Variants in OTOA observed in about 807,000 individuals in gnomAD.
The protein encoded by OTOA is otoancorin.
In OTOA, 70 loss-of-function variants were observed where a neutral mutation model predicts 110.8. The observed-to-expected ratio is 0.63, with a 90% confidence interval of 0.52 to 0.77. The LOEUF (loss-of-function observed/expected upper bound fraction) is 0.77, where lower values mean the gene tolerates loss of function less well. Among genes scored for constraint, OTOA ranks in the 30% least tolerant of loss-of-function variants. The pLI is 0.00. For synonymous variants in OTOA, 373 were observed against 431.5 expected, an observed-to-expected ratio of 0.86 and a Z score of 1.68; for missense variants, 917 against 1,075.8, an observed-to-expected ratio of 0.85 and a Z score of 2.06.
chr16:21,727,741 G>A (rs936274537), intron 19 of OTOA, among the ~76,000 whole-genome samples: 3 of 152,050 alleles, frequency 2.0e-5, no homozygotes, highest in African/African-American at 4.8e-5. Flanking sequence ...CCAAGCCAGG[G>A]TTTTCCAGAT....
intron 10 of OTOA, 65 bp from the exon 11 acceptor site, chr16:21,700,823 G>T: frequency 1.9e-6 from 3 of 1,595,420 alleles, no homozygotes; most frequent in Admixed American, 1.7e-5. Context: ...AGACCACCAG[G>T]GTGGGGCCAC....
chr16:21,687,631 G>T lies in OTOA; in HGVS notation c.618G>T (p.Glu206Asp). Residue 206 changes from glutamate to aspartate, a missense_variant, in exon 8 of 29, where the codon GAG (glutamate) becomes GAT (aspartate). Physicochemically the swap from Glu to Asp is conservative, Grantham distance 45 (BLOSUM62 2). Coordinates refer to ENST00000646100, the MANE Select transcript of OTOA (RefSeq NM_144672.4). ...AGCGGCTCCCTCGGGACCTGCGCGA[G>T]GATGCCTTTAAGAACCTGTGAGTGG... ...ITERLPRDLREDAFKNLSAVF... is the reference protein window; with the variant it reads ...ITERLPRDLRDDAFKNLSAVF... The T allele has an allele frequency of 6.2e-7, 1 of 1,613,216 alleles. No individual in the cohort carries two copies. Among genetic ancestry groups the T allele is most frequent in the Non-Finnish European group, 8.5e-7 (1 of 1,179,796 alleles).
chr16:21,689,385 C>A (rs1022954061), intron 8 of OTOA, among the ~76,000 whole-genome samples: 1 of 152,044 alleles, frequency 6.6e-6, no homozygotes, highest in Non-Finnish European at 1.5e-5. Flanking sequence ...TATACTATTC[C>A]TTTTAAATTC....
chr16:21,756,721 T>TTC (rs1000789546), intron 27 of OTOA, among the ~76,000 whole-genome samples: 4 of 151,750 alleles, frequency 2.6e-5, no homozygotes, highest in Admixed American at 6.6e-5. Context: ...ACATTTTATA[T>TTC]TCTCTCTCTC....
intron 1 of OTOA, among the ~76,000 whole-genome samples, chr16:21,666,894 A>G (rs1040869703): frequency 2.6e-5 from 4 of 152,192 alleles, no homozygotes; most frequent in African/African-American, 9.7e-5. Context: ...GCACAGCAGA[A>G]AGCAAGGCGT....
chr16:21,684,613 T>G (rs1966966341), intron 6 of OTOA: 2 of 1,401,676 alleles, frequency 1.4e-6, no homozygotes, highest in Non-Finnish European at 2.0e-6. Flanking sequence ...AACAAGCAGC[T>G]GTCCCTTGGC....
intron 28 of OTOA, among the ~76,000 whole-genome samples, chr16:21,758,766 C>T (rs1435445229): frequency 4.0e-5 from 6 of 151,044 alleles, no homozygotes; most frequent in Non-Finnish European, 8.9e-5. Context: ...TTTGGGAGGC[C>T]GAGGTGGGCG....
intron 23 of OTOA, among the ~76,000 whole-genome samples, chr16:21,744,139 TCCCTATG>T (rs1409350498): frequency 7.1e-6 from 1 of 139,894 alleles, no homozygotes; most frequent in Non-Finnish European, 1.6e-5. Context: ...ACAATAGGTT[TCCCTATG>T]TCTGTTTTAT....
At chr16:21,728,682 T>C (rs1451121546) in intron 20 of OTOA, among the ~76,000 whole-genome samples, 1 of 151,630 alleles carries the variant, frequency 6.6e-6, no homozygotes, top group African/African-American at 2.4e-5. Context: ...TCTGACTCCC[T>C]GGTTCAAGCG....
chr16:21,691,738 A>G (rs1159705369), intron 9 of OTOA, 51 bp downstream of exon 9: 1 of 1,464,160 alleles, frequency 6.8e-7, no homozygotes, highest in Non-Finnish European at 9.5e-7. Context: ...GAATATCTTC[A>G]GAAGAGGTGT....
At chr16:21,725,395 C>A (rs1396832150) in intron 18 of OTOA, among the ~76,000 whole-genome samples, 3 of 152,240 alleles carry the variant, frequency 2.0e-5, no homozygotes, top group South Asian at 2.1e-4. Flanking sequence ...AGTGATTCTT[C>A]CACTTCAGCC....
chr16:21,724,541 C>A (rs1263147434), intron 18 of OTOA, among the ~76,000 whole-genome samples: 1 of 152,014 alleles, frequency 6.6e-6, no homozygotes, highest in East Asian at 1.9e-4. Context: ...ATTTATATTT[C>A]AGAAAGATCA....
intron 21 of OTOA, among the ~76,000 whole-genome samples, chr16:21,736,022 G>A (rs1899283797): frequency 6.6e-6 from 1 of 152,028 alleles, no homozygotes; most frequent in African/African-American, 2.4e-5. Flanking sequence ...CAATCTGATG[G>A]GTGAAAAGTG....
At chr16:21,697,644 A>T (rs1047917242) in intron 9 of OTOA, 131 bp from the exon 10 acceptor site, 7 of 887,134 alleles carry the variant, frequency 7.9e-6, no homozygotes, top group Non-Finnish European at 1.3e-5. Context: ...AAAACCCCGA[A>T]AAACAAAATA....
intron 23 of OTOA, among the ~76,000 whole-genome samples, chr16:21,744,554 G>T: frequency 8.9e-6 from 1 of 112,064 alleles, no homozygotes; most frequent in East Asian, 3.4e-4. Flanking sequence ...GTTCTGGGGG[G>T]TGAGAAATCA....
chr16:21,730,951 A>G (rs1412401476), intron 21 of OTOA, 21 bp downstream of exon 21: 1 of 1,318,660 alleles, frequency 7.6e-7, no homozygotes, highest in African/African-American at 1.4e-5. Context: ...GCTCCATCTT[A>G]AGAAGGCTGA....
At chr16:21,718,794 T>C (rs28576212) in intron 15 of OTOA, among the ~76,000 whole-genome samples, 7,802 of 152,084 alleles carry the variant, frequency 0.051, 694 homozygotes, top group African/African-American at 0.18. Context: ...CACATGTGAA[T>C]AGGAGACACA....
At chr16:21,681,579 A>AAAGAT (rs1966892613) in intron 5 of OTOA, among the ~76,000 whole-genome samples, 159 bp from the exon 6 acceptor site, 1 of 152,154 alleles carries the variant, frequency 6.6e-6, no homozygotes, top group African/African-American at 2.4e-5. Context: ...AGAGAAAAGA[A>AAAGAT]AAAAGGAAAG....
intron 11 of OTOA, 36 bp downstream of exon 11, chr16:21,701,063 C>T (rs755496474): frequency 4.3e-6 from 7 of 1,613,758 alleles, no homozygotes; most frequent in Non-Finnish European, 5.1e-6. Context: ...GAGCCCTTTC[C>T]CAAGATGTGA....
Sources: allele counts gnomAD v4.1 joint callset (sites outside exome capture counted in the v4.1 genomes callset), GRCh38; gene constraint gnomAD v4.1.1; transcripts MANE v1.5; gene names NCBI Gene and HGNC (gene_info 2026-07-23, HGNC 2026-07-21).